PIK3R4: variants seen among roughly 807,000 people sequenced by gnomAD.
PIK3R4 encodes the protein phosphoinositide 3-kinase regulatory subunit 4.
A neutral mutation model predicts 136.5 loss-of-function variants in PIK3R4; 46 were observed. The observed-to-expected ratio is 0.34, with a 90% confidence interval of 0.27 to 0.43. The LOEUF (loss-of-function observed/expected upper bound fraction) is 0.43. Among genes scored for constraint, PIK3R4 ranks in the 20% least tolerant of loss-of-function variants. The probability of loss-of-function intolerance (pLI) is 1.00; values close to 1 mark genes in which losing one functional copy is unlikely to be tolerated. For synonymous variants in PIK3R4, 557 were observed against 566.7 expected, an observed-to-expected ratio of 0.98 and a Z score of 0.24; for missense variants, 1,331 against 1,649.5, an observed-to-expected ratio of 0.81 and a Z score of 3.35.
chr3:130,693,362 G>T (rs558001140), intron 13 of PIK3R4, among the ~76,000 whole-genome samples: 1 of 152,114 alleles, frequency 6.6e-6, no homozygotes, highest in Admixed American at 6.5e-5. Flanking sequence ...TATGTCTACC[G>T]TTTTGAAAGG....
At chr3:130,692,231 TA>T (rs939703298) in intron 13 of PIK3R4, among the ~76,000 whole-genome samples, 3 of 152,152 alleles carry the variant, frequency 2.0e-5, no homozygotes, top group African/African-American at 7.2e-5. Context: ...CCATAGATTT[TA>T]AAGTGCATAA....
intron 9 of PIK3R4, among the ~76,000 whole-genome samples, chr3:130,714,524 G>A (rs2066651489): frequency 6.6e-6 from 1 of 152,144 alleles, no homozygotes; most frequent in Admixed American, 6.5e-5. Context: ...TGTGCAGAAT[G>A]TGCAGGTTTG....
Position 130,705,571 on chromosome 3 carries a change from T to A in PIK3R4, c.2922A>T (p.Pro974=). 1 of 1,609,010 alleles carries A rather than the reference T, an allele frequency of 6.2e-7. No individual in the cohort carries two copies. Among genetic ancestry groups the A allele is most frequent in the Non-Finnish European group, 8.5e-7 (1 of 1,175,524 alleles). The part of the protein sequence containing the change: ...MMENAEWESK[P]PPPGWRPKGL... Reference sequence around the variant, plus strand: ...CAACGGAACTTTTACCAGGTGGTGGTGGTTTACTCTCCCATTCAGCATTTT... The same window carrying A: ...CAACGGAACTTTTACCAGGTGGTGGAGGTTTACTCTCCCATTCAGCATTTT... Residue 974 remains proline, a synonymous_variant, in exon 12 of 20, where the codon CCA becomes CCT. Coordinates refer to ENST00000356763, the MANE Select transcript of PIK3R4 (RefSeq NM_014602.3).
At position 130,733,640 on chromosome 3, in the gene PIK3R4, C is replaced by T. The variant is rs777969674; in HGVS notation, c.1358G>A (p.Arg453His). The T allele has an allele frequency of 8.7e-6, 14 of 1,613,914 alleles. No individual in the cohort carries two copies. Among genetic ancestry groups the T allele is most frequent in the South Asian group, 7.7e-5 (7 of 91,090 alleles). ...TTCCGGATAAATATTGATATCATTA[C>T]GAGGAACCTCTTTGACGAGAGCAAG... Reference protein sequence around the residue: ...KVLALVKEVPRNDINIYPEYI... With the variant: ...KVLALVKEVPHNDINIYPEYI... The change falls in exon 4 of 20, where the codon CGT (arginine) becomes CAT (histidine). Residue 453 changes from arginine (R) to histidine (H), a missense_variant. Physicochemically the swap from Arg to His is conservative, Grantham distance 29. Around this residue, in one of 2 missense-constraint regions of PIK3R4, gnomAD observed 1,180 missense variants for 1,407.0 expected, o/e 0.84. Coordinates refer to ENST00000356763, the MANE Select transcript of PIK3R4 (RefSeq NM_014602.3).
chr3:130,718,901 T>A (rs1323816452), intron 7 of PIK3R4, among the ~76,000 whole-genome samples: 1 of 152,164 alleles, frequency 6.6e-6, no homozygotes, highest in Admixed American at 6.5e-5. Flanking sequence ...AGCTAACTAT[T>A]ATTCCCCAAC....
chr3:130,726,264 T>C (rs937174539), intron 6 of PIK3R4, among the ~76,000 whole-genome samples: 2 of 152,098 alleles, frequency 1.3e-5, no homozygotes, highest in Admixed American at 6.6e-5. Flanking sequence ...AAATTTTTAA[T>C]GATATGAGAA....
At position 130,743,307 on chromosome 3, in the gene PIK3R4, T is replaced by C. The variant is rs571452173; in HGVS notation, c.733+1179A>G. Among the ~76,000 whole-genome samples the C allele has an allele frequency of 1.3e-4, 19 of 151,216 alleles. No homozygotes were observed. In the South Asian group the frequency reaches 4.0e-3, roughly 32 times the overall value. On this transcript the variant is annotated intron_variant, in intron 2 of 19. Coordinates refer to ENST00000356763, the MANE Select transcript of PIK3R4 (RefSeq NM_014602.3). ...GGTGGTGCACGCCTGCAGTCCCGGC[T>C]ACACAAAGAAAGCTGAGGCAAGAGG...
intron 9 of PIK3R4, among the ~76,000 whole-genome samples, chr3:130,709,074 T>C (rs2066621076): frequency 1.3e-5 from 2 of 152,144 alleles, no homozygotes; most frequent in African/African-American, 4.8e-5. Flanking sequence ...TCAGACTGCC[T>C]AGGTTCAAAT....
chr3:130,705,068 T>G (rs2107607696), intron 12 of PIK3R4, among the ~76,000 whole-genome samples: 1 of 152,252 alleles, frequency 6.6e-6, no homozygotes, highest in South Asian at 2.1e-4. Context: ...TGACCTCAAG[T>G]GATCCGTCCA....
chr3:130,708,170 G>T, intron 10 of PIK3R4, 121 bp downstream of exon 10: 1 of 756,990 alleles, frequency 1.3e-6, no homozygotes, highest in Non-Finnish European at 2.1e-6. Flanking sequence ...TGGAGTCACT[G>T]TATTTGTAAG....
chr3:130,723,850 C>G, intron 6 of PIK3R4: 2 of 300,790 alleles, frequency 6.6e-6, no homozygotes, highest in Non-Finnish European at 6.1e-6. Flanking sequence ...GAAGAAGAAT[C>G]AGACTGTAAT....
At chr3:130,698,449 A>AT (rs1553727714) in intron 13 of PIK3R4, among the ~76,000 whole-genome samples, 2 of 151,844 alleles carry the variant, frequency 1.3e-5, no homozygotes, top group Non-Finnish European at 2.9e-5. Context: ...AAATTCTCTG[A>AT]TTTTTTGCTC....
intron 13 of PIK3R4, among the ~76,000 whole-genome samples, chr3:130,696,831 T>G (rs148685584): frequency 6.6e-6 from 1 of 152,278 alleles, no homozygotes; most frequent in East Asian, 1.9e-4. Context: ...TCTATCCATC[T>G]TGAAAATAAG....
intron 12 of PIK3R4, among the ~76,000 whole-genome samples, chr3:130,704,870 G>A (rs1176360265): frequency 2.0e-5 from 3 of 151,612 alleles, no homozygotes; most frequent in South Asian, 2.1e-4. Context: ...TTGCTCTGTC[G>A]CCCAGGCTGG....
intron 16 of PIK3R4, 37 bp downstream of exon 16, chr3:130,684,213 A>G (rs1462745259): frequency 1.3e-6 from 2 of 1,590,324 alleles, no homozygotes; most frequent in East Asian, 2.2e-5. Context: ...TTTCCAAGAA[A>G]ATCTCCCAAC....
rs1228219689 is a variant in PIK3R4 at position 130,700,681 on chromosome 3, CCT to C, written c.3098+3040_3098+3041del. On this transcript the variant is annotated intron_variant, in intron 13 of 19. Transcript: ENST00000356763. ...GCCAACATCACTCATGGGGGAAACT[CCT>C]CTTAGTCAGAATGTACTAGTAACAT... Among the ~76,000 whole-genome samples, 3 of 152,204 alleles carry C rather than the reference CCT, an allele frequency of 2.0e-5. No individual in the cohort carries two copies. In the East Asian group the frequency reaches 5.8e-4, roughly 29 times the overall value.
chr3:130,726,150 AT>A (rs1210977606), intron 6 of PIK3R4, among the ~76,000 whole-genome samples: 1 of 152,110 alleles, frequency 6.6e-6, no homozygotes, highest in East Asian at 1.9e-4. Context: ...GATTATCTAT[AT>A]ATGACAGAAA....
At chr3:130,692,178 T>C (rs1429754083) in intron 13 of PIK3R4, among the ~76,000 whole-genome samples, 1 of 152,100 alleles carries the variant, frequency 6.6e-6, no homozygotes, top group Non-Finnish European at 1.5e-5. Context: ...CCTGGCCTAG[T>C]TGTTTTTCTT....
chr3:130,691,861 T>G (rs1436927155), intron 13 of PIK3R4, among the ~76,000 whole-genome samples: 1 of 149,434 alleles, frequency 6.7e-6, no homozygotes, highest in Non-Finnish European at 1.5e-5. Flanking sequence ...TCAGTATCTC[T>G]CTCTAGTTTT....
Sources: gnomAD v4.1 joint callset for allele counts (sites outside exome capture counted in the v4.1 genomes callset) on GRCh38, gnomAD v4.1.1 for gene constraint, gnomAD v4.1.1 regional missense constraint, MANE v1.5 for transcripts, NCBI Gene and HGNC (gene_info 2026-07-23, HGNC 2026-07-21) for gene names.